The following POU6F2 variants were observed in gnomAD, a reference collection of about 807,000 sequenced individuals.
POU6F2 encodes POU domain, class 6, transcription factor 2.
Under a neutral mutation model 71.3 loss-of-function variants are expected in POU6F2, and 31 were observed. That is an observed-to-expected ratio of 0.43 (90% CI 0.33 to 0.59). POU6F2 has a LOEUF of 0.59. Among genes scored for constraint, POU6F2 ranks in the 20% least tolerant of loss-of-function variants. POU6F2 has a pLI of 0.04. For synonymous variants in POU6F2, 347 were observed against 355.7 expected (o/e 0.98, Z 0.27); for missense variants, 783 against 856.8 (o/e 0.91, Z 1.07).
At chr7:39,359,878 G>C (rs1786339468) in intron 5 of POU6F2, among the ~76,000 whole-genome samples, 1 of 152,042 alleles carries the variant, frequency 6.6e-6, no homozygotes, top group Non-Finnish European at 1.5e-5. Context: ...TTAATATGTA[G>C]GTATTTGTAT....
intron 2 of POU6F2, among the ~76,000 whole-genome samples, chr7:39,196,674 G>A (rs1207250393): frequency 6.6e-6 from 1 of 151,914 alleles, no homozygotes; most frequent in African/African-American, 2.4e-5. Context: ...CAGGAGAATC[G>A]CTTGAACCCA....
chr7:39,023,317 G>C (rs188537914), intron 1 of POU6F2, among the ~76,000 whole-genome samples: 128 of 152,052 alleles, frequency 8.4e-4, no homozygotes, highest in African/African-American at 2.9e-3. Context: ...GCTTTTAAAA[G>C]AAGAAATTTT....
At chr7:39,443,992 G>A (rs1386426621) in intron 7 of POU6F2, among the ~76,000 whole-genome samples, 2 of 152,134 alleles carry the variant, frequency 1.3e-5, no homozygotes, top group Non-Finnish European at 1.5e-5. Flanking sequence ...TAAAGTATAG[G>A]ACTGTCAGAC....
intron 4 of POU6F2, among the ~76,000 whole-genome samples, chr7:39,320,360 A>C (rs931838714): frequency 6.6e-6 from 1 of 152,152 alleles, no homozygotes; most frequent in Non-Finnish European, 1.5e-5. Flanking sequence ...AGATGCTGTC[A>C]GTCATCAGGT....
intron 2 of POU6F2, among the ~76,000 whole-genome samples, chr7:39,117,647 C>T (rs755168310): frequency 5.9e-5 from 9 of 152,108 alleles, no homozygotes; most frequent in Non-Finnish European, 1.2e-4. Context: ...AAGAGGGAAC[C>T]AGTCCTCACA....
At chr7:39,077,122 A>G (rs1053548301) in intron 1 of POU6F2, among the ~76,000 whole-genome samples, 3 of 152,224 alleles carry the variant, frequency 2.0e-5, no homozygotes, top group Non-Finnish European at 4.4e-5. Flanking sequence ...TGCAATGTCA[A>G]TACTGCTGTA....
intron 8 of POU6F2, among the ~76,000 whole-genome samples, 151 bp downstream of exon 8, chr7:39,451,852 G>C (rs1788670429): frequency 6.6e-6 from 1 of 152,106 alleles, no homozygotes; most frequent in Non-Finnish European, 1.5e-5. Context: ...GGTCAATATT[G>C]AGATGAAGTC....
intron 2 of POU6F2, among the ~76,000 whole-genome samples, chr7:39,143,862 A>C (rs1316661211): frequency 6.6e-6 from 1 of 152,234 alleles, no homozygotes; most frequent in African/African-American, 2.4e-5. Flanking sequence ...GAACTACGTC[A>C]ATTATTGAAG....
chr7:39,113,390 T>C (rs561978940), intron 2 of POU6F2, among the ~76,000 whole-genome samples: 1 of 152,308 alleles, frequency 6.6e-6, no homozygotes, highest in East Asian at 1.9e-4. Context: ...ATGGGACTAC[T>C]ACTTGGAGCA....
At chr7:39,356,832 A>G (rs1179007914) in intron 5 of POU6F2, among the ~76,000 whole-genome samples, 1 of 152,186 alleles carries the variant, frequency 6.6e-6, no homozygotes, top group Non-Finnish European at 1.5e-5. Flanking sequence ...AAATTGTTTC[A>G]ACCCCATCCT....
chr7:39,338,042 G>A (rs1785817361), intron 4 of POU6F2, among the ~76,000 whole-genome samples: 1 of 152,204 alleles, frequency 6.6e-6, no homozygotes, highest in Non-Finnish European at 1.5e-5. Flanking sequence ...AAATGAAGCA[G>A]TATGGTATTT....
chr7:39,463,946 T>C (rs1054408030), intron 9 of POU6F2, among the ~76,000 whole-genome samples: 4 of 152,222 alleles, frequency 2.6e-5, no homozygotes, highest in African/African-American at 9.6e-5. Context: ...TGATAGCTCA[T>C]GCATCCTGCT....
chr7:39,303,403 T>C (rs573043397), intron 4 of POU6F2, among the ~76,000 whole-genome samples: 2 of 152,366 alleles, frequency 1.3e-5, no homozygotes, highest in African/African-American at 4.8e-5. Flanking sequence ...TGCCTCAGGC[T>C]CCCAAAGTGC....
intron 1 of POU6F2, among the ~76,000 whole-genome samples, chr7:39,015,821 T>TTATATATAGATATATAA (rs1789490054): frequency 2.1e-4 from 15 of 70,520 alleles, no homozygotes; most frequent in Admixed American, 5.4e-4. Context: ...TAGGTATATA[T>TTATATATAGATATATAA]TATATATAGA....
At chr7:39,083,430 C>T (rs1791167595) in intron 1 of POU6F2, 1 of 152,118 alleles carries the variant, frequency 6.6e-6, no homozygotes, top group Non-Finnish European at 1.5e-5. Context: ...AGCCTGGGAT[C>T]TTGACATCAC....
intron 5 of POU6F2, among the ~76,000 whole-genome samples, chr7:39,348,726 C>G (rs1341053442): frequency 6.6e-6 from 1 of 152,186 alleles, no homozygotes; most frequent in Non-Finnish European, 1.5e-5. Context: ...CTCAAATTTT[C>G]TTCCACAAAA....
chr7:39,428,055 A>G (rs1340675730), intron 6 of POU6F2, among the ~76,000 whole-genome samples: 4 of 152,232 alleles, frequency 2.6e-5, no homozygotes, highest in Non-Finnish European at 5.9e-5. Context: ...GGTGCTCCAG[A>G]GCCCTGAATT....
chr7:39,136,150 T>C (rs944245286), intron 2 of POU6F2, among the ~76,000 whole-genome samples: 1 of 152,194 alleles, frequency 6.6e-6, no homozygotes, highest in Non-Finnish European at 1.5e-5. Context: ...TAAAATAATA[T>C]GATGTTACTT....
intron 1 of POU6F2, among the ~76,000 whole-genome samples, chr7:39,003,708 C>T (rs1788979428): frequency 6.7e-6 from 1 of 150,242 alleles, no homozygotes; most frequent in South Asian, 2.1e-4. Flanking sequence ...AAGATCGCGC[C>T]ACTGAACTCC....
Sources: gnomAD v4.1 joint callset for allele counts (sites outside exome capture counted in the v4.1 genomes callset) on GRCh38, gnomAD v4.1.1 for gene constraint, MANE v1.5 for transcripts, NCBI Gene and HGNC (gene_info 2026-07-23, HGNC 2026-07-21) for gene names.